The following WDR49 variants were observed in gnomAD, a reference collection of about 807,000 sequenced individuals.
The protein encoded by WDR49 is cilia- and flagella-associated protein 337.
A neutral mutation model predicts 119.5 loss-of-function variants in WDR49; 107 were observed. That is an observed-to-expected ratio of 0.90 (90% CI 0.77 to 1.05). The LOEUF is 1.05. Among genes scored for constraint, WDR49 ranks in the 50% least tolerant of loss-of-function variants. The pLI, the probability that WDR49 is intolerant of heterozygous loss-of-function variation, is 0.00. For synonymous variants in WDR49, 425 were observed against 418.8 expected (o/e 1.01, Z -0.18); for missense variants, 1,240 against 1,220.5 (o/e 1.02, Z -0.24).
chr3:167,501,319 T>C (rs992772473), intron 17 of WDR49, among the ~76,000 whole-genome samples: 13 of 152,322 alleles, frequency 8.5e-5, no homozygotes, highest in African/African-American at 3.1e-4. Flanking sequence ...TCAGTTCATA[T>C]AACTGTTAAA....
chr3:167,546,267 A>T (rs1712192566), intron 10 of WDR49, among the ~76,000 whole-genome samples: 1 of 152,092 alleles, frequency 6.6e-6, no homozygotes. Flanking sequence ...AGTCTTTCTG[A>T]TATTTGACCT....
intron 17 of WDR49, among the ~76,000 whole-genome samples, chr3:167,503,614 G>T (rs181869380): frequency 8.5e-5 from 13 of 152,190 alleles, no homozygotes; most frequent in African/African-American, 3.1e-4. Context: ...CCTTTAGCCC[G>T]ATCGGGAGCA....
intron 16 of WDR49, among the ~76,000 whole-genome samples, chr3:167,512,513 C>T (rs1409460269): frequency 6.6e-6 from 1 of 152,152 alleles, no homozygotes; most frequent in African/African-American, 2.4e-5. Flanking sequence ...AAAAAATCCA[C>T]ACAAAAACAC....
intron 16 of WDR49, among the ~76,000 whole-genome samples, chr3:167,506,304 T>TA (rs879498352): frequency 6.6e-6 from 1 of 152,178 alleles, no homozygotes; most frequent in Admixed American, 6.6e-5. Flanking sequence ...CCCCTCAATG[T>TA]AATGGGACTC....
chr3:167,640,528 G>C (rs549265500), intron 2 of WDR49, among the ~76,000 whole-genome samples: 2 of 151,858 alleles, frequency 1.3e-5, no homozygotes, highest in South Asian at 4.2e-4. Context: ...AAATCCTGTG[G>C]CTAAACATTT....
chr3:167,511,766 C>T lies in WDR49; in HGVS notation c.2775-6350G>A, dbSNP rs138566722. 7.6e-3 allele frequency among the ~76,000 whole-genome samples: 1,153 copies of T among 152,262 alleles called. 17 individuals carry two copies. The highest frequency in any genetic ancestry group is 0.026 in the African/African-American group (1,096 of 41,540). On this transcript the variant is annotated intron_variant, in intron 16 of 18. Coordinates refer to ENST00000682715, the MANE Select transcript of WDR49 (RefSeq NM_001366157.1). ...CTGTGGCTCCAATCAGCCGTTTTCC[C>T]CTGCCGGTGTTGGGGAGACTGGGCA...
In WDR49 at chr3:167,536,057, A is replaced by G. The variant is rs537079934; in HGVS notation, c.1954+813T>C. On this transcript the variant is annotated intron_variant, in intron 11 of 18. Transcript: ENST00000682715. ...TATTCTCATAAAAGCAGAGTAGAAC[A>G]GTGGATACCAGAGGATGGGGAGGGG... Among the ~76,000 whole-genome samples the G allele has an allele frequency of 3.9e-5, 6 of 152,256 alleles. No homozygotes were observed. In the East Asian group the frequency reaches 1.2e-3, roughly 29 times the overall value.
intron 3 of WDR49, 59 bp from the exon 4 acceptor site, chr3:167,621,702 T>G (rs1716880148): frequency 6.9e-7 from 1 of 1,446,902 alleles, no homozygotes; most frequent in African/African-American, 1.4e-5. Flanking sequence ...AAAATTAATA[T>G]GCAAAGCAGA....
intron 7 of WDR49, among the ~76,000 whole-genome samples, chr3:167,589,036 T>C (rs185555420): frequency 1.3e-5 from 2 of 152,220 alleles, no homozygotes; most frequent in African/African-American, 4.8e-5. Flanking sequence ...GGACAGTTTC[T>C]CCAATGTTTT....
At chr3:167,541,244 T>C (rs1390128861) in intron 10 of WDR49, among the ~76,000 whole-genome samples, 2 of 152,080 alleles carry the variant, frequency 1.3e-5, no homozygotes, top group Non-Finnish European at 1.5e-5. Context: ...CCCAGGCACA[T>C]AATCATCAGG....
chr3:167,638,495 TC>T (rs1717726397), intron 2 of WDR49, among the ~76,000 whole-genome samples: 1 of 151,604 alleles, frequency 6.6e-6, no homozygotes, highest in South Asian at 2.1e-4. Context: ...TGTACTTGCC[TC>T]AATTTCCCTT....
At chr3:167,520,997 A>G (rs1347389617) in intron 16 of WDR49, among the ~76,000 whole-genome samples, 1 of 152,132 alleles carries the variant, frequency 6.6e-6, no homozygotes, top group African/African-American at 2.4e-5. Flanking sequence ...GTAGTCCTCT[A>G]GGGTAACAAT....
intron 7 of WDR49, among the ~76,000 whole-genome samples, chr3:167,597,174 G>C (rs1426650144): frequency 1.3e-5 from 2 of 152,202 alleles, no homozygotes; most frequent in African/African-American, 2.4e-5. Flanking sequence ...CAGCCTCAGG[G>C]AATGGTACCC....
intron 16 of WDR49, among the ~76,000 whole-genome samples, chr3:167,514,470 A>T (rs1269164943): frequency 6.6e-6 from 1 of 152,124 alleles, no homozygotes; most frequent in African/African-American, 2.4e-5. Flanking sequence ...TAACAGAAAA[A>T]TTTACAGCAC....
At chr3:167,533,674 T>C (rs1215073619) in intron 11 of WDR49, among the ~76,000 whole-genome samples, 3 of 152,062 alleles carry the variant, frequency 2.0e-5, no homozygotes, top group African/African-American at 7.2e-5. Context: ...AGTACTGCTC[T>C]TCACAGAGAA....
At chr3:167,566,641 A>G (rs1222087518) in intron 8 of WDR49, among the ~76,000 whole-genome samples, 1 of 152,142 alleles carries the variant, frequency 6.6e-6, no homozygotes, top group Non-Finnish European at 1.5e-5. Context: ...TTCATGTATA[A>G]TGTCGATCCC....
chr3:167,524,677 G>A (rs931489906), intron 15 of WDR49, among the ~76,000 whole-genome samples: 1 of 152,102 alleles, frequency 6.6e-6, no homozygotes, highest in African/African-American at 2.4e-5. Flanking sequence ...TTTCCCCATT[G>A]TTTGTTTATG....
At chr3:167,523,005 A>G (rs1451566285) in intron 15 of WDR49, among the ~76,000 whole-genome samples, 1 of 152,152 alleles carries the variant, frequency 6.6e-6, no homozygotes, top group African/African-American at 2.4e-5. Context: ...AAAGTTCCCC[A>G]TTAACAATCT....
chr3:167,547,333 C>T lies in WDR49; in HGVS notation c.1823+7317G>A, dbSNP rs1712268125. On this transcript the variant is annotated intron_variant, in intron 10 of 18. Coordinates refer to ENST00000682715, the MANE Select transcript of WDR49 (RefSeq NM_001366157.1). Reference sequence around the variant, plus strand: ...TTGAGTTCCTACTTTCTACAGTGCTCTATGAAGGATGCTAATATAAATAAA... The same window carrying T: ...TTGAGTTCCTACTTTCTACAGTGCTTTATGAAGGATGCTAATATAAATAAA... 2.0e-5 allele frequency among the ~76,000 whole-genome samples: 3 copies of T among 151,678 alleles called. No homozygotes were observed. The Admixed American group carries it at 2.0e-4, about 10-fold the overall frequency.
Sources: allele counts gnomAD v4.1 joint callset (sites outside exome capture counted in the v4.1 genomes callset), GRCh38; gene constraint gnomAD v4.1.1; transcripts MANE v1.5; gene names NCBI Gene and HGNC (gene_info 2026-07-23, HGNC 2026-07-21).